Variants in CSMD3 observed in about 807,000 individuals in gnomAD.
CSMD3 encodes the protein CUB and Sushi multiple domains 3, also known as CUB and sushi domain-containing protein 3.
A neutral mutation model predicts 435.2 loss-of-function variants in CSMD3; 177 were observed. The ratio of observed to expected loss-of-function variants is 0.41; its 90% CI spans 0.36 to 0.46. The LOEUF is 0.46. Among genes scored for constraint, CSMD3 ranks in the 20% least tolerant of loss-of-function variants. The pLI is 0.34. For synonymous variants in CSMD3, 1,656 were observed against 1,520.5 expected (o/e 1.09, Z -2.07); for missense variants, 4,265 against 4,504.6 (o/e 0.95, Z 1.52).
chr8:113,280,542 G>A (rs982564189), intron 2 of CSMD3, among the ~76,000 whole-genome samples: 1 of 151,852 alleles, frequency 6.6e-6, no homozygotes, highest in African/African-American at 2.4e-5. Flanking sequence ...AGGTTATTTG[G>A]ATTTCTTCTC....
At chr8:112,355,230 A>G (rs1826481727) in intron 38 of CSMD3, among the ~76,000 whole-genome samples, 1 of 152,232 alleles carries the variant, frequency 6.6e-6, no homozygotes, top group Non-Finnish European at 1.5e-5. Flanking sequence ...AATGTAAGAC[A>G]TCAAATTTCA....
chr8:113,168,285 G>A (rs2092193186), intron 4 of CSMD3, among the ~76,000 whole-genome samples: 1 of 151,924 alleles, frequency 6.6e-6, no homozygotes, highest in Non-Finnish European at 1.5e-5. Flanking sequence ...CCAGCACTCA[G>A]GGAGGCTAAG....
chr8:112,315,669 AACTTAGACTGG>A (rs1822392392), intron 47 of CSMD3, among the ~76,000 whole-genome samples: 1 of 151,790 alleles, frequency 6.6e-6, no homozygotes, highest in African/African-American at 2.4e-5. Context: ...ACCAGTTTTA[AACTTAGACTGG>A]ACTATCTTTT....
At chr8:112,484,322 A>G (rs1377878400) in intron 31 of CSMD3, among the ~76,000 whole-genome samples, 2 of 152,204 alleles carry the variant, frequency 1.3e-5, no homozygotes, top group Non-Finnish European at 1.5e-5. Flanking sequence ...TAGAAATTAT[A>G]GATTTTTTAT....
At chr8:113,219,115 A>G (rs749269137) in intron 3 of CSMD3, among the ~76,000 whole-genome samples, 5 of 151,442 alleles carry the variant, frequency 3.3e-5, no homozygotes, top group Non-Finnish European at 5.9e-5. Context: ...TAAAATCAAT[A>G]TCTTATTTAA....
intron 47 of CSMD3, 26 bp from the exon 48 acceptor site, chr8:112,314,643 A>C: frequency 6.4e-7 from 1 of 1,550,760 alleles, no homozygotes; most frequent in Non-Finnish European, 8.9e-7. Context: ...GTCATTAAAT[A>C]ATGCCAGTCT....
At chr8:112,981,580 A>C (rs1341121105) in intron 6 of CSMD3, among the ~76,000 whole-genome samples, 1 of 151,664 alleles carries the variant, frequency 6.6e-6, no homozygotes, top group Non-Finnish European at 1.5e-5. Context: ...TGAATGAATA[A>C]ATAAATAATA....
rs1453953095 is a variant in CSMD3, at chr8:113,303,943, A to G, written c.401+10628T>C. Among the ~76,000 whole-genome samples, 3 of 138,744 alleles carry G rather than the reference A, an allele frequency of 2.2e-5. 1 individual carries two copies. The highest frequency in any genetic ancestry group is 1.6e-4 in the Admixed American group (2 of 12,140). 91.0% of individuals were successfully genotyped at this position (138,744 alleles called of 152,430 possible). A position where few individuals can be genotyped will look rare whatever the true frequency, so the allele number is the denominator to read the frequency against. The stretch of plus-strand genomic sequence containing the variant: ...TAATTAAACTAAAGAGCTTCTGCAC[A>G]GCAAAAGAAACTACCATCAGAGTGA... On this transcript the variant is annotated intron_variant, in intron 2 of 70. Coordinates refer to ENST00000297405, the MANE Select transcript of CSMD3 (RefSeq NM_198123.2).
At chr8:113,349,827 T>C (rs991424106) in intron 1 of CSMD3, among the ~76,000 whole-genome samples, 5 of 152,026 alleles carry the variant, frequency 3.3e-5, no homozygotes, top group African/African-American at 1.2e-4. Flanking sequence ...AATTCCTCTC[T>C]TCCCTGAATA....
chr8:112,909,793 G>A (rs1490945088), intron 10 of CSMD3, among the ~76,000 whole-genome samples: 1 of 151,748 alleles, frequency 6.6e-6, no homozygotes, highest in Non-Finnish European at 1.5e-5. Flanking sequence ...TTTCCAGCTC[G>A]TAATACATGA....
At chr8:112,346,271 A>G in intron 40 of CSMD3, 58 bp from the exon 41 acceptor site, 7 of 1,023,528 alleles carry the variant, frequency 6.8e-6, no homozygotes, top group South Asian at 2.5e-5. Flanking sequence ...TACTGTATTA[A>G]AAAACATATT....
chr8:113,070,765 T>C (rs1226621146), intron 5 of CSMD3, among the ~76,000 whole-genome samples: 1 of 152,054 alleles, frequency 6.6e-6, no homozygotes, highest in African/African-American at 2.4e-5. Flanking sequence ...CACCCATGAA[T>C]AGTGATGCAA....
At chr8:113,001,341 C>A (rs1020203798) in intron 6 of CSMD3, among the ~76,000 whole-genome samples, 2 of 152,060 alleles carry the variant, frequency 1.3e-5, no homozygotes, top group African/African-American at 4.8e-5. Context: ...CTTAATCCTG[C>A]TATGTTTTAG....
intron 49 of CSMD3, among the ~76,000 whole-genome samples, chr8:112,313,014 C>G (rs1029809608): frequency 4.6e-5 from 7 of 152,114 alleles, no homozygotes; most frequent in Non-Finnish European, 1.0e-4. Context: ...CTATTGAGCA[C>G]ATATCCATGG....
intron 53 of CSMD3, 152 bp downstream of exon 53, chr8:112,301,641 A>T (rs1312249835): frequency 3.1e-6 from 2 of 646,212 alleles, no homozygotes; most frequent in Admixed American, 5.0e-5. Flanking sequence ...CTTTTCTATC[A>T]TGAGCCATTT....
intron 22 of CSMD3, among the ~76,000 whole-genome samples, chr8:112,599,741 T>C (rs1832136109): frequency 6.6e-6 from 1 of 151,194 alleles, no homozygotes; most frequent in Admixed American, 6.6e-5. Flanking sequence ...AAATTGGAAA[T>C]CATCATTCTC....
intron 13 of CSMD3, among the ~76,000 whole-genome samples, chr8:112,714,902 A>T (rs2076690483): frequency 6.6e-6 from 1 of 152,294 alleles, no homozygotes; most frequent in Non-Finnish European, 1.5e-5. Context: ...ACATACCAGA[A>T]TCTCTGGGAC....
At chr8:112,237,952 T>C (rs1434700088) in intron 66 of CSMD3, among the ~76,000 whole-genome samples, 1 of 152,100 alleles carries the variant, frequency 6.6e-6, no homozygotes, top group African/African-American at 2.4e-5. Context: ...ATTGTTGGAC[T>C]CTCAAGGATG....
At chr8:113,055,809 G>T (rs955151607) in intron 5 of CSMD3, among the ~76,000 whole-genome samples, 16 of 152,120 alleles carry the variant, frequency 1.1e-4, no homozygotes, top group African/African-American at 3.6e-4. Flanking sequence ...TAGAGGCAAG[G>T]CATTTGGCAT....
Sources: gnomAD v4.1 joint callset for allele counts (sites outside exome capture counted in the v4.1 genomes callset) on GRCh38, gnomAD v4.1.1 for gene constraint, MANE v1.5 for transcripts, NCBI Gene and HGNC (gene_info 2026-07-23, HGNC 2026-07-21) for gene names.